MOB3B: variants seen among roughly 807,000 people sequenced by gnomAD.
MOB3B encodes the protein MOB kinase activator-like 2B.
A neutral mutation model predicts 18.7 loss-of-function variants in MOB3B; 7 were observed. The observed-to-expected ratio is 0.37, with a 90% CI of 0.21 to 0.70. The LOEUF is 0.70. MOB3B is among the 30% of genes least tolerant of loss of function. The pLI, the probability that MOB3B is intolerant of heterozygous loss-of-function variation, is 0.52. For missense variants in MOB3B, 253 were observed against 281.3 expected (o/e 0.90, Z 0.72); for synonymous variants, 111 against 99.9 (o/e 1.11, Z -0.66).
At chr9:27,398,983 A>G (rs1049900395) in intron 2 of MOB3B, among the ~76,000 whole-genome samples, 1 of 146,892 alleles carries the variant, frequency 6.8e-6, no homozygotes, top group Non-Finnish European at 1.5e-5. Flanking sequence ...TTAGCAGTCA[A>G]CCTGAGTTCT....
At chr9:27,503,122 A>G (rs1197363969) in intron 1 of MOB3B, among the ~76,000 whole-genome samples, 1 of 152,156 alleles carries the variant, frequency 6.6e-6, no homozygotes. Flanking sequence ...TCCTCAAATA[A>G]AGAGCTAGGG....
At chr9:27,505,853 G>A (rs1466223442) in intron 1 of MOB3B, among the ~76,000 whole-genome samples, 6 of 152,226 alleles carry the variant, frequency 3.9e-5, no homozygotes, top group Non-Finnish European at 7.4e-5. Context: ...CTCATTTCCC[G>A]TAGAGCCATT....
At chr9:27,393,194 G>A (rs1421215603) in intron 2 of MOB3B, among the ~76,000 whole-genome samples, 1 of 152,186 alleles carries the variant, frequency 6.6e-6, no homozygotes, top group Non-Finnish European at 1.5e-5. Context: ...TGCTATAGGT[G>A]TTTAAAAGGC....
At chr9:27,378,257 C>T (rs954041940) in intron 2 of MOB3B, 1 of 434,418 alleles carries the variant, frequency 2.3e-6, no homozygotes. Context: ...ACTGAAAAGA[C>T]TGTGTGTGAC....
chr9:27,350,640 T>G (rs904119818), intron 3 of MOB3B, among the ~76,000 whole-genome samples: 1 of 152,216 alleles, frequency 6.6e-6, no homozygotes, highest in African/African-American at 2.4e-5. Context: ...ATAAGGCAAT[T>G]CATTGGAAAT....
rs558530720 is a variant in MOB3B at position 27,490,956 on chromosome 9, C to G, written c.-198-35208G>C. On this transcript the variant is annotated intron_variant, in intron 1 of 3. Coordinates refer to ENST00000262244, the MANE Select transcript of MOB3B (RefSeq NM_024761.5). The stretch of plus-strand genomic sequence containing the variant: ...AGAATAAAAAGAGTATTTATCAAAG[C>G]CCTAGATAGCACATCATACAGCCTT... Among the ~76,000 whole-genome samples the G allele has an allele frequency of 2.1e-5, 3 of 141,052 alleles. No individual in the cohort carries two copies. The East Asian group carries it at 6.4e-4, about 30-fold the overall frequency. The allele number at this position is 141,052 out of a possible 152,430, so 92.5% of individuals were successfully genotyped here.
intron 1 of MOB3B, among the ~76,000 whole-genome samples, chr9:27,474,474 C>A (rs1277884373): frequency 1.3e-5 from 2 of 152,180 alleles, no homozygotes; most frequent in Non-Finnish European, 2.9e-5. Flanking sequence ...ATAAACCTTA[C>A]CCATGTCAGC....
intron 1 of MOB3B, among the ~76,000 whole-genome samples, chr9:27,486,508 T>C (rs750125182): frequency 3.3e-5 from 5 of 152,176 alleles, no homozygotes; most frequent in Non-Finnish European, 7.3e-5. Context: ...ACATCCCAAA[T>C]GAACAGACGC....
chr9:27,501,009 A>C (rs1386830825), intron 1 of MOB3B, among the ~76,000 whole-genome samples: 2 of 152,210 alleles, frequency 1.3e-5, no homozygotes, highest in Non-Finnish European at 2.9e-5. Flanking sequence ...AAACCTCATC[A>C]TCACTGGTCA....
At chr9:27,451,284 G>A (rs1461676793) in intron 2 of MOB3B, among the ~76,000 whole-genome samples, 2 of 152,182 alleles carry the variant, frequency 1.3e-5, no homozygotes, top group Non-Finnish European at 2.9e-5. Context: ...AATTGAAAAG[G>A]AGGTGGCCCT....
At chr9:27,506,943 G>A (rs1820071177) in intron 1 of MOB3B, among the ~76,000 whole-genome samples, 1 of 150,114 alleles carries the variant, frequency 6.7e-6, no homozygotes, top group Non-Finnish European at 1.5e-5. Flanking sequence ...GCCTCGCAAA[G>A]TGCTGGGATT....
chr9:27,446,245 T>TA (rs1822691110), intron 2 of MOB3B, among the ~76,000 whole-genome samples: 3 of 152,102 alleles, frequency 2.0e-5, no homozygotes, highest in African/African-American at 2.4e-5. Context: ...TCTTTTTTTT[T>TA]AATATGAACT....
At chr9:27,395,438 T>C (rs923343656) in intron 2 of MOB3B, among the ~76,000 whole-genome samples, 6 of 151,376 alleles carry the variant, frequency 4.0e-5, no homozygotes, top group African/African-American at 9.7e-5. Flanking sequence ...GCCAATTAAA[T>C]AATAAATAGA....
chr9:27,463,774 A>C (rs1819331311), intron 1 of MOB3B, among the ~76,000 whole-genome samples: 1 of 151,762 alleles, frequency 6.6e-6, no homozygotes, highest in Non-Finnish European at 1.5e-5. Context: ...CAGCCTAGGC[A>C]ACATGGCAAA....
At chr9:27,471,377 C>T (rs1193376000) in intron 1 of MOB3B, among the ~76,000 whole-genome samples, 2 of 152,160 alleles carry the variant, frequency 1.3e-5, no homozygotes, top group Non-Finnish European at 2.9e-5. Flanking sequence ...TGGGAATATA[C>T]AACATGGCCC....
chr9:27,529,370 C>A (rs891195009), intron 1 of MOB3B, among the ~76,000 whole-genome samples, 185 bp downstream of exon 1: 2 of 152,216 alleles, frequency 1.3e-5, no homozygotes, highest in East Asian at 3.9e-4. Flanking sequence ...CGGCAGGGGT[C>A]TGAAGAGGAC....
intron 2 of MOB3B, among the ~76,000 whole-genome samples, chr9:27,402,008 C>T (rs1821892865): frequency 6.6e-6 from 1 of 152,158 alleles, no homozygotes; most frequent in South Asian, 2.1e-4. Flanking sequence ...ACCTTAGAGT[C>T]AAATAAACTG....
intron 1 of MOB3B, among the ~76,000 whole-genome samples, chr9:27,486,741 G>A (rs576595260): frequency 2.6e-5 from 4 of 152,280 alleles, no homozygotes; most frequent in Admixed American, 1.3e-4. Flanking sequence ...AATTTAATGG[G>A]AATAAAGAAA....
At chr9:27,366,422 C>T (rs549028398) in intron 2 of MOB3B, among the ~76,000 whole-genome samples, 1 of 152,230 alleles carries the variant, frequency 6.6e-6, no homozygotes, top group Non-Finnish European at 1.5e-5. Context: ...TCCTGCCCCT[C>T]CCTTCCACTA....
Sources: gnomAD v4.1 joint callset for allele counts (sites outside exome capture counted in the v4.1 genomes callset) on GRCh38, gnomAD v4.1.1 for gene constraint, MANE v1.5 for transcripts, NCBI Gene and HGNC (gene_info 2026-07-23, HGNC 2026-07-21) for gene names.